Variants in TMIGD2 observed in about 807,000 individuals in gnomAD.
TMIGD2 encodes the protein transmembrane and immunoglobulin domain-containing protein 2.
A neutral mutation model predicts 22.6 loss-of-function variants in TMIGD2; 18 were observed. The ratio of observed to expected loss-of-function variants is 0.80; its 90% CI spans 0.55 to 1.18. The LOEUF is 1.18. TMIGD2 is among the 50% of genes most tolerant of loss of function. The probability of loss-of-function intolerance (pLI) is 0.00; values close to 1 mark genes in which losing one functional copy is unlikely to be tolerated. For synonymous variants in TMIGD2, 184 were observed against 154.1 expected, an observed-to-expected ratio of 1.19 and a Z score of -1.44; for missense variants, 361 against 378.2, an observed-to-expected ratio of 0.95 and a Z score of 0.38.
intron 1 of TMIGD2, 69 bp downstream of exon 1, chr19:4,302,271 C>A (rs926766360): frequency 1.9e-5 from 28 of 1,507,076 alleles, no homozygotes; most frequent in African/African-American, 2.8e-5. Context: ...GGGCCCTGAG[C>A]TGGGGGGCAG....
intron 4 of TMIGD2, 148 bp from the exon 5 acceptor site, chr19:4,293,033 G>GATA (rs1971404751): frequency 8.2e-7 from 1 of 1,221,330 alleles, no homozygotes; most frequent in East Asian, 2.5e-5. Context: ...GCGCAATCTC[G>GATA]GCTCACTGCA....
In TMIGD2 at chr19:4,300,705, T is replaced by C. The variant is rs138223820; in HGVS notation, c.46+1635A>G. Among the ~76,000 whole-genome samples, 13 of 152,158 alleles carry C rather than the reference T, an allele frequency of 8.5e-5. No individual in the cohort carries two copies. The East Asian group carries it at 2.3e-3, about 27-fold the overall frequency. ...TATAACCAGTGTGAGAAGGAAGGTA[T>C]TGGGGGGTAAGAGCATTCCAGGCAG... On this transcript the variant is annotated intron_variant, in intron 1 of 4. Coordinates refer to ENST00000301272, the Ensembl canonical transcript of TMIGD2.
chr19:4,294,812 G>T lies in TMIGD2; in HGVS notation c.411C>A (p.Asp137Glu). The change falls in exon 3 of 5, where the codon GAC (aspartate) becomes GAA (glutamate). Residue 137 changes from aspartate to glutamate, a missense_variant. Asp to Glu is a conservative substitution (Grantham distance 45). Coordinates refer to ENST00000301272, the Ensembl canonical transcript of TMIGD2. ...CGATCCGGTTTCTGTTCTGTGTGGG[G>T]TCATCTGCAGAGAAGAAATCTATGT... 5 of 1,575,576 alleles carry T rather than the reference G, an allele frequency of 3.2e-6. No homozygotes were observed. In the South Asian group the frequency reaches 4.7e-5, roughly 15 times the overall value.
intron 4 of TMIGD2, among the ~76,000 whole-genome samples, chr19:4,294,108 C>T (rs1205046138): frequency 6.6e-6 from 1 of 150,618 alleles, no homozygotes; most frequent in African/African-American, 2.4e-5. Flanking sequence ...TGCTCTGTCA[C>T]CCAGGCTAGA....
intron 1 of TMIGD2, 149 bp from the exon 2 acceptor site, chr19:4,298,494 TGGAAG>T: frequency 8.0e-7 from 1 of 1,252,426 alleles, no homozygotes. Flanking sequence ...CCCAGCACTT[TGGAAG>T]CCCGAGGTGG....
rs888282925 is a variant in TMIGD2, at chr19:4,296,929, A to G, written c.406+1057T>C. Among the ~76,000 whole-genome samples, 5 of 152,192 alleles carry G rather than the reference A, an allele frequency of 3.3e-5. No individual in the cohort carries two copies. The South Asian group carries it at 8.3e-4, about 25-fold the overall frequency. Reference sequence around the variant, plus strand: ...GGGGACATGGCAAAGGGGACAGTGCATAGGGTGCACCCCTGCCTGGTGCAT... The same window carrying G: ...GGGGACATGGCAAAGGGGACAGTGCGTAGGGTGCACCCCTGCCTGGTGCAT... On this transcript the variant is annotated intron_variant, in intron 2 of 4. Coordinates refer to ENST00000301272, the Ensembl canonical transcript of TMIGD2.
At chr19:4,302,196 C>A in intron 1 of TMIGD2, 144 bp downstream of exon 1, 1 of 855,010 alleles carries the variant, frequency 1.2e-6, no homozygotes, top group Non-Finnish European at 1.8e-6. Flanking sequence ...CTCCAGCCCC[C>A]ATCACGTTCT....
intron 4 of TMIGD2, 117 bp from the exon 5 acceptor site, chr19:4,293,002 C>T (rs571030720): frequency 3.3e-5 from 49 of 1,487,096 alleles, no homozygotes; most frequent in African/African-American, 7.1e-5. Context: ...CTCACTCTGT[C>T]GCCCAGGCTG....
intron 1 of TMIGD2, among the ~76,000 whole-genome samples, chr19:4,300,424 G>A (rs1198130938): frequency 6.6e-6 from 1 of 151,344 alleles, no homozygotes; most frequent in African/African-American, 2.4e-5. Context: ...GGGTGTGGTG[G>A]CATGTACCCG....
chr19:4,302,215 G>A (rs1971546046), intron 1 of TMIGD2, 125 bp downstream of exon 1: 2 of 1,011,648 alleles, frequency 2.0e-6, no homozygotes, highest in Non-Finnish European at 1.4e-6. Flanking sequence ...CTGAGTCTCG[G>A]AGGGAGATGG....
chr19:4,301,887 C>T (rs1971541079), intron 1 of TMIGD2, among the ~76,000 whole-genome samples: 1 of 152,000 alleles, frequency 6.6e-6, no homozygotes, highest in African/African-American at 2.4e-5. Context: ...TCTGTTAGAC[C>T]CCCGGAGAAG....
intron 4 of TMIGD2, 104 bp downstream of exon 4, chr19:4,294,475 T>C (rs527405796): frequency 2.7e-6 from 3 of 1,091,624 alleles, no homozygotes; most frequent in African/African-American, 1.6e-5. Flanking sequence ...CCTTCATCCC[T>C]CCTCCATCCT....
chr19:4,299,744 A>ATGG lies in TMIGD2; in HGVS notation c.47-1400_47-1399insCCA, dbSNP rs1971510507. On this transcript the variant is annotated intron_variant, in intron 1 of 4. Coordinates refer to ENST00000301272, the Ensembl canonical transcript of TMIGD2. ...TCTACTAAAAATACAAAAATTAGCC[A>ATGG]GTGTGGTGGCGGGCTCCTGGAATCC... Among the ~76,000 whole-genome samples, 4 of 151,386 alleles carry ATGG rather than the reference A, an allele frequency of 2.6e-5. No individual in the cohort carries two copies. The South Asian group carries it at 8.4e-4, about 32-fold the overall frequency.
At chr19:4,295,452 C>T (rs1971450140) in intron 2 of TMIGD2, among the ~76,000 whole-genome samples, 2 of 150,854 alleles carry the variant, frequency 1.3e-5, no homozygotes, top group South Asian at 2.1e-4. Context: ...CCCAGCTACT[C>T]GGGAGGCTGA....
chr19:4,292,729 G>T (rs1362774309), exon 5 of TMIGD2: 1 of 1,609,354 alleles, frequency 6.2e-7, no homozygotes, highest in Admixed American at 1.7e-5. Context: ...GCTGGGGCAG[G>T]GTCTTGACGC....
Position 4,293,027 on chromosome 19 carries a change from A to C in TMIGD2, c.563-142T>G, listed in dbSNP as rs1246664022. 27 of 1,271,774 alleles carry C rather than the reference A, an allele frequency of 2.1e-5. No homozygotes were observed. The East Asian group carries it at 2.9e-4, about 14-fold the overall frequency. The allele number at this position is 1,271,774 out of a possible 1,614,324, so 78.8% of individuals were successfully genotyped here. A position where few individuals can be genotyped will look rare whatever the true frequency, so the allele number is the denominator to read the frequency against. On this transcript the variant is annotated intron_variant, in intron 4 of 4. Coordinates refer to ENST00000301272, the Ensembl canonical transcript of TMIGD2. ...CGCCCAGGCTGGAGTGCAGTGGCGC[A>C]ATCTCGGCTCACTGCAAGCTTCGCC...
chr19:4,294,599 C>T, exon 4 of TMIGD2: 5 of 1,611,218 alleles, frequency 3.1e-6, no homozygotes, highest in Non-Finnish European at 4.2e-6. Flanking sequence ...TTGCTGGCAG[C>T]TGCGGCGGCC....
At position 4,297,981 on chromosome 19, in the gene TMIGD2, C is replaced by G. The variant is rs533807166; in HGVS notation, c.406+5G>C. 6 of 1,566,356 alleles carry G rather than the reference C, an allele frequency of 3.8e-6. No homozygotes were observed. Among genetic ancestry groups the G allele is most frequent in the South Asian group, 1.2e-5 (1 of 84,406 alleles). ...GCCCCTCCCTCTCCCCGCTGGCTCC[C>G]GTACCTGGGTCCACAAAGAGCCTTG... On this transcript the variant is annotated splice_donor_5th_base_variant and intron_variant, in intron 2 of 4. Transcript: ENST00000301272.
chr19:4,298,461 G>A, intron 1 of TMIGD2, 116 bp from the exon 2 acceptor site: 9 of 1,410,252 alleles, frequency 6.4e-6, no homozygotes, highest in Non-Finnish European at 8.4e-6. Flanking sequence ...TCTAAGACGG[G>A]TGCAGTGGCT....
Sources: gnomAD v4.1 joint callset for allele counts (sites outside exome capture counted in the v4.1 genomes callset) on GRCh38, gnomAD v4.1.1 for gene constraint, MANE v1.5 for transcripts, NCBI Gene and HGNC (gene_info 2026-07-23, HGNC 2026-07-21) for gene names.